Variants in MYH7B observed in about 807,000 individuals in gnomAD.
MYH7B encodes myosin-7B.
A neutral mutation model predicts 234.5 loss-of-function variants in MYH7B; 205 were observed. That is an observed-to-expected ratio of 0.87 (90% CI 0.78 to 0.98). MYH7B has a LOEUF of 0.98. Among genes scored for constraint, MYH7B ranks in the 50% least tolerant of loss-of-function variants. The probability of loss-of-function intolerance (pLI) is 0.00; values close to 1 mark genes in which losing one functional copy is unlikely to be tolerated. For synonymous variants in MYH7B, 1,193 were observed against 1,105.0 expected, an observed-to-expected ratio of 1.08 and a Z score of -1.58; for missense variants, 2,652 against 2,633.4, an observed-to-expected ratio of 1.01 and a Z score of -0.15.
chr20:34,969,527 C>T (rs2081773277), intron 2 of MYH7B, among the ~76,000 whole-genome samples: 1 of 149,098 alleles, frequency 6.7e-6, no homozygotes, highest in Admixed American at 6.7e-5. Context: ...ATAGCCCATA[C>T]ATTCTTCTGC....
At chr20:34,990,934 ACTG>A in intron 23 of MYH7B, 67 bp from the exon 24 acceptor site, 7 of 1,560,292 alleles carry the variant, frequency 4.5e-6, no homozygotes, top group Non-Finnish European at 6.2e-6. Context: ...CAGGGTCTCC[ACTG>A]CTGCTTTTTC....
Position 34,993,329 on chromosome 20 carries a change from C to T in MYH7B, c.2308-5C>T. On this transcript the variant is annotated splice_polypyrimidine_tract_variant and splice_region_variant and intron_variant, in intron 25 of 44. Transcript: ENST00000262873. Reference sequence around the variant, plus strand: ...TACCCTGGCTGTCTACCTCTCCGCCCCCAGGTGTTCTTCAAGGCTGGGCTT... The same window carrying T: ...TACCCTGGCTGTCTACCTCTCCGCCTCCAGGTGTTCTTCAAGGCTGGGCTT... 1 of 1,614,104 alleles carries T rather than the reference C, an allele frequency of 6.2e-7. No individual in the cohort carries two copies. Among genetic ancestry groups the T allele is most frequent in the Non-Finnish European group, 8.5e-7 (1 of 1,180,016 alleles).
intron 43 of MYH7B, 44 bp downstream of exon 43, chr20:35,001,570 T>G (rs2082384056): frequency 1.3e-6 from 2 of 1,535,728 alleles, no homozygotes; most frequent in Non-Finnish European, 1.8e-6. Flanking sequence ...GCACCCCAGC[T>G]CTGCCCCAGG....
intron 2 of MYH7B, among the ~76,000 whole-genome samples, chr20:34,973,217 C>T (rs991450058): frequency 2.6e-5 from 4 of 152,176 alleles, no homozygotes; most frequent in Non-Finnish European, 2.9e-5. Flanking sequence ...AGTGATTCTC[C>T]CACCTTGGCC....
intron 3 of MYH7B, among the ~76,000 whole-genome samples, chr20:34,976,868 T>C (rs2081860362): frequency 6.6e-6 from 1 of 152,162 alleles, no homozygotes; most frequent in Non-Finnish European, 1.5e-5. Flanking sequence ...CCATATACAT[T>C]CAAAACAGGC....
chr20:34,996,778 AGGTGG>A lies in MYH7B; in HGVS notation c.3266+23_3266+27del. On this transcript the variant is annotated intron_variant, in intron 30 of 44. Transcript: ENST00000262873. Reference sequence around the variant, plus strand: ...CAAGAAGTAGGTGTGGTGGGGCAGCAGGTGGGGGCCTTCTGAGCCTGCACCTGGCC... The same window carrying A: ...CAAGAAGTAGGTGTGGTGGGGCAGCAGGGCCTTCTGAGCCTGCACCTGGCC... The A allele has an allele frequency of 1.9e-6, 3 of 1,601,548 alleles. No homozygotes were observed. Among genetic ancestry groups the A allele is most frequent in the Non-Finnish European group, 2.6e-6 (3 of 1,175,104 alleles).
intron 10 of MYH7B, 44 bp from the exon 11 acceptor site, chr20:34,984,648 A>G: frequency 9.7e-7 from 1 of 1,033,856 alleles, no homozygotes; most frequent in Admixed American, 2.4e-5. Context: ...GCCCTTCCCC[A>G]CCGGAGGCCT....
In MYH7B at chr20:34,996,066, CTGCCCTGAGCACA is replaced by C. The variant is rs1413852181; in HGVS notation, c.2944-276_2944-264del. On this transcript the variant is annotated intron_variant, in intron 28 of 44. Transcript: ENST00000262873. ...TGAGGAAGCCGGGACTAGGAGGCAG[CTGCCCTGAGCACA>C]TGCTAATACTGCACATGGCTGGCAT... 2.6e-5 allele frequency among the ~76,000 whole-genome samples: 4 copies of C among 152,362 alleles called. No individual in the cohort carries two copies. In the East Asian group the frequency reaches 7.7e-4, roughly 29 times the overall value.
At chr20:34,993,896 C>G (rs1366107537) in intron 26 of MYH7B, among the ~76,000 whole-genome samples, 1 of 152,226 alleles carries the variant, frequency 6.6e-6, no homozygotes, top group East Asian at 1.9e-4. Context: ...TCCAGAGCCC[C>G]GTGGCTTAAC....
chr20:34,960,201 C>T (rs1464336674), intron 2 of MYH7B, among the ~76,000 whole-genome samples: 3 of 152,058 alleles, frequency 2.0e-5, no homozygotes, highest in African/African-American at 2.4e-5. Flanking sequence ...TTTCTCCCTG[C>T]GAGGGCCTCT....
exon 30 of MYH7B, chr20:34,996,633 G>A: frequency 1.2e-6 from 2 of 1,612,536 alleles, no homozygotes; most frequent in African/African-American, 1.3e-5. Flanking sequence ...CCCTGGAGCA[G>A]GAGAAGAAGC....
At chr20:34,987,788 G>T (rs1427994110) in exon 18 of MYH7B, 1 of 1,614,180 alleles carries the variant, frequency 6.2e-7, no homozygotes, top group African/African-American at 1.3e-5. Context: ...TGGGGGCTCT[G>T]GCCAAGGCCA....
intron 3 of MYH7B, among the ~76,000 whole-genome samples, chr20:34,977,344 G>A (rs2081870662): frequency 6.6e-6 from 1 of 151,888 alleles, no homozygotes; most frequent in African/African-American, 2.4e-5. Context: ...ATTTTTCTGG[G>A]TGTGTCAGAC....
At chr20:34,990,175 C>CT (rs2082115111) in intron 21 of MYH7B, 29 bp downstream of exon 21, 2 of 1,614,144 alleles carry the variant, frequency 1.2e-6, no homozygotes, top group East Asian at 4.5e-5. Context: ...GATCTCCACT[C>CT]TGACAGGGGC....
At chr20:34,981,120 G>T in intron 9 of MYH7B, 60 bp downstream of exon 9, 35 of 1,594,514 alleles carry the variant, frequency 2.2e-5, no homozygotes, top group Non-Finnish European at 2.9e-5. Flanking sequence ...GAAAGAGGGC[G>T]GTACCACAGT....
At chr20:34,977,592 G>A (rs1174652935) in intron 3 of MYH7B, 40 bp from the exon 4 acceptor site, 1 of 1,561,414 alleles carries the variant, frequency 6.4e-7, no homozygotes, top group Non-Finnish European at 8.7e-7. Context: ...TGTGACACGT[G>A]GAGATTGCTG....
chr20:34,982,424 A>G (rs777584105), intron 9 of MYH7B, 35 bp from the exon 10 acceptor site: 2 of 1,593,238 alleles, frequency 1.3e-6, no homozygotes, highest in Admixed American at 1.7e-5. Flanking sequence ...ATTAGGCCAG[A>G]TGGGCATTGG....
intron 2 of MYH7B, among the ~76,000 whole-genome samples, chr20:34,960,077 A>G (rs1309573202): frequency 6.6e-6 from 1 of 152,138 alleles, no homozygotes; most frequent in Non-Finnish European, 1.5e-5. Flanking sequence ...AATCAATTTC[A>G]TCCTCTGTTC....
intron 2 of MYH7B, among the ~76,000 whole-genome samples, 77 bp downstream of exon 2, chr20:34,958,289 A>G (rs1469012908): frequency 6.6e-6 from 1 of 152,120 alleles, no homozygotes; most frequent in Non-Finnish European, 1.5e-5. Flanking sequence ...AAGGTGACCC[A>G]GTTTGTGGTA....
Sources: gnomAD v4.1 joint callset for allele counts (sites outside exome capture counted in the v4.1 genomes callset) on GRCh38, gnomAD v4.1.1 for gene constraint, MANE v1.5 for transcripts, NCBI Gene and HGNC (gene_info 2026-07-23, HGNC 2026-07-21) for gene names.